Variants in TDRD6 observed in about 807,000 individuals in gnomAD.
The protein encoded by TDRD6 is tudor domain containing 6, also known as tudor domain-containing protein 6.
A neutral mutation model predicts 157.5 loss-of-function variants in TDRD6; 186 were observed. That is an observed-to-expected ratio of 1.18 (90% confidence interval 1.05 to 1.33). The LOEUF (loss-of-function observed/expected upper bound fraction) is 1.33, where lower values mean the gene tolerates loss of function less well. TDRD6 is among the 40% of genes most tolerant of loss of function. The pLI is 0.00. For missense variants in TDRD6, 3,066 were observed against 2,508.0 expected, an observed-to-expected ratio of 1.22 and a Z score of -4.75; for synonymous variants, 1,075 against 945.2, an observed-to-expected ratio of 1.14 and a Z score of -2.52.
intron 3 of TDRD6, among the ~76,000 whole-genome samples, chr6:46,700,243 A>G (rs1186857936): frequency 6.6e-6 from 1 of 152,204 alleles, no homozygotes; most frequent in Admixed American, 6.5e-5. Flanking sequence ...AAGTAAATAG[A>G]TAACTACCTC....
In TDRD6 at chr6:46,691,525, C is replaced by T. The variant is rs557562919; in HGVS notation, c.3397C>T (p.Pro1133Ser). 2.7e-5 allele frequency: 44 copies of T among 1,613,770 alleles called. No homozygotes were observed. In the South Asian group the frequency reaches 4.6e-4, roughly 17 times the overall value. ...GAAGGCTTTAGTTGTAGCAAAAGAT[C>T]CAGATGGAACACTGATTATAGAACT... ...SLKALVVAKD[P>S]DGTLIIELYG... Residue 1133 changes from proline (P) to serine (S), a missense_variant, in exon 1 of 4, where the codon CCA becomes TCA. Physicochemically the swap from Pro to Ser is moderately conservative, Grantham distance 74. Coordinates refer to ENST00000316081, the MANE Select transcript of TDRD6 (RefSeq NM_001010870.3).
In TDRD6 at chr6:46,689,028, T is replaced by A. The variant is rs780053210; in HGVS notation, c.900T>A (p.Ser300Arg). ...GGACAGGGGATGAGAACTCTACCAG[T>A]GCCACCTGGGAGGAGAGGGAGGAGA... The part of the protein sequence containing the change: ...STGTGDENST[S>R]ATWEEREESP... Residue 300 changes from serine to arginine, a missense_variant, in exon 1 of 4, where the codon AGT (serine) becomes AGA (arginine). Ser to Arg is a moderately radical substitution (Grantham distance 110). Coordinates refer to ENST00000316081, the MANE Select transcript of TDRD6 (RefSeq NM_001010870.3). 1.2e-6 allele frequency: 2 copies of A among 1,613,846 alleles called. No homozygotes were observed. Among genetic ancestry groups the A allele is most frequent in the Non-Finnish European group, 1.7e-6 (2 of 1,179,826 alleles).
In TDRD6 at chr6:46,689,388, T is replaced by C. The variant is rs199793356; in HGVS notation, c.1260T>C (p.Tyr420=). 2.1e-5 allele frequency: 34 copies of C among 1,613,926 alleles called. No individual in the cohort carries two copies. In the East Asian group the frequency reaches 6.2e-4, roughly 30 times the overall value. The part of the protein sequence containing the change: ...EFYCSFEHVY[Y]VSLYGEDGIN... ...ATTGCTCCTTTGAGCATGTGTATTA[T>C]GTCAGCCTGTATGGAGAAGATGGGA... is the stretch of plus-strand genomic sequence containing the variant. Residue 420 remains tyrosine, a synonymous_variant, in exon 1 of 4, where the codon TAT becomes TAC. Coordinates refer to ENST00000316081, the MANE Select transcript of TDRD6 (RefSeq NM_001010870.3).
chr6:46,689,219 C>G lies in TDRD6; in HGVS notation c.1091C>G (p.Pro364Arg). 3.1e-6 allele frequency: 5 copies of G among 1,614,104 alleles called. No individual in the cohort carries two copies. The highest frequency in any genetic ancestry group is 3.4e-6 in the Non-Finnish European group (4 of 1,180,022). The part of the protein sequence containing the change: ...VSCSSLRYLL[P>R]EYFRMPVVTY... Reference sequence around the variant, plus strand: ...TGCAGCAGCCTTCGGTACTTGCTGCCTGAATATTTTCGAATGCCGGTGGTG... The same window carrying G: ...TGCAGCAGCCTTCGGTACTTGCTGCGTGAATATTTTCGAATGCCGGTGGTG... Residue 364 changes from proline (P) to arginine (R), a missense_variant, in exon 1 of 4, where the codon CCT (proline) becomes CGT (arginine). Coordinates refer to ENST00000316081, the MANE Select transcript of TDRD6 (RefSeq NM_001010870.3).
intron 3 of TDRD6, among the ~76,000 whole-genome samples, chr6:46,699,678 A>C (rs1487344394): frequency 1.3e-5 from 2 of 152,104 alleles, no homozygotes; most frequent in African/African-American, 4.8e-5. Context: ...AAAAAAAGAA[A>C]AGAAAAGGCC....
chr6:46,688,197 G>T lies in TDRD6; in HGVS notation c.69G>T (p.Val23=), dbSNP rs1181227308. 2 of 1,546,920 alleles carry T rather than the reference G, an allele frequency of 1.3e-6. No individual in the cohort carries two copies. The highest frequency in any genetic ancestry group is 2.4e-5 in the East Asian group (1 of 41,944). The change falls in exon 1 of 4, where the codon GTG becomes GTT. Residue 23 remains valine (V), a synonymous_variant. Transcript: ENST00000316081. ...SLALRVSFVD[V]HPDVIPVQLW... ...CCCTGCGGGTGTCCTTCGTGGACGT[G>T]CATCCCGATGTGATCCCGGTGCAGC...
At chr6:46,698,225 A>G in intron 3 of TDRD6, 138 bp downstream of exon 3, 1 of 540,584 alleles carries the variant, frequency 1.8e-6, no homozygotes, top group East Asian at 2.8e-5. Flanking sequence ...AACAGCAATA[A>G]CAAAATCAGT....
Position 46,702,084 on chromosome 6 carries a change from T to C in TDRD6, c.*197T>C, listed in dbSNP as rs147188374. 7.6e-3 allele frequency: 3,596 copies of C among 474,590 alleles called. 100 individuals are homozygous for C. In the Admixed American group the frequency reaches 0.077, roughly 10 times the overall value. The allele number at this position is 474,590 out of a possible 1,614,324, so 29.4% of individuals were successfully genotyped here. On this transcript the variant is annotated 3_prime_UTR_variant, in exon 4 of 4. Coordinates refer to ENST00000316081, the MANE Select transcript of TDRD6 (RefSeq NM_001010870.3). ...GGGTGTGTTTATAGTGATCCTGTTATATATACAGATCTGGGATCTTTCGTC... is the reference window on the plus strand; with the variant it reads ...GGGTGTGTTTATAGTGATCCTGTTACATATACAGATCTGGGATCTTTCGTC...
chr6:46,689,076 G>T lies in TDRD6; in HGVS notation c.948G>T (p.Pro316=). 6.2e-7 allele frequency: 1 copy of T among 1,614,164 alleles called. No individual in the cohort carries two copies. The highest frequency in any genetic ancestry group is 1.1e-5 in the South Asian group (1 of 91,076). Residue 316 remains proline, a synonymous_variant, in exon 1 of 4, where the codon CCG becomes CCT. Coordinates refer to ENST00000316081, the MANE Select transcript of TDRD6 (RefSeq NM_001010870.3). ...REESPDKPGS[P]CASCGLDGHW... is the part of the protein sequence containing the mutation. ...AGAGCCCAGATAAGCCGGGCTCTCC[G>T]TGTGCATCCTGTGGCCTGGATGGAC...
At position 46,693,765 on chromosome 6, in the gene TDRD6, C is replaced by T. The variant is rs1047136110; in HGVS notation, c.5637C>T (p.Ser1879=). ...LSPVPPNVPL[S]QECVTKGAME... The stretch of plus-strand genomic sequence containing the variant: ...CGGTGCCACCGAATGTGCCACTCTC[C>T]CAAGAGTGTGTCACAAAAGGCGCCA... The change falls in exon 1 of 4, where the codon TCC becomes TCT. Residue 1879 remains serine (S), a synonymous_variant. Transcript: ENST00000316081. 6.2e-7 allele frequency: 1 copy of T among 1,614,138 alleles called. No homozygotes were observed. Among genetic ancestry groups the T allele is most frequent in the East Asian group, 2.2e-5 (1 of 44,878 alleles).
rs1195745188 is a variant in TDRD6, at chr6:46,691,267, G to A, written c.3139G>A (p.Gly1047Arg). The change falls in exon 1 of 4, where the codon GGA becomes AGA. Residue 1047 changes from glycine (G) to arginine (R), a missense_variant. Gly to Arg is a moderately radical substitution (Grantham distance 125). Transcript: ENST00000316081. ...GTLCLAKYTD[G>R]NWYRGIVIEK... ...CTTGTGCCTTGCCAAGTATACTGAT[G>A]GAAACTGGTATAGGGGCATAGTAAT... The A allele has an allele frequency of 1.2e-6, 2 of 1,614,060 alleles. No individual in the cohort carries two copies. Among genetic ancestry groups the A allele is most frequent in the South Asian group, 1.1e-5 (1 of 91,084 alleles).
At position 46,690,370 on chromosome 6, in the gene TDRD6, T is replaced by C. The variant is rs1764271043; in HGVS notation, c.2242T>C (p.Tyr748His). ...VQEKVKRASV[Y>H]FPLMQNCLEI... Reference sequence around the variant, plus strand: ...GGAAAAAGTGAAAAGAGCATCTGTTTATTTTCCTCTTATGCAGAATTGCTT... The same window carrying C: ...GGAAAAAGTGAAAAGAGCATCTGTTCATTTTCCTCTTATGCAGAATTGCTT... Residue 748 changes from tyrosine (Y) to histidine (H), a missense_variant, in exon 1 of 4, where the codon TAT (tyrosine) becomes CAT (histidine). By Grantham distance (83) the Tyr-to-His change is moderately conservative (BLOSUM62 2). Transcript: ENST00000316081. 5.6e-6 allele frequency: 9 copies of C among 1,613,676 alleles called. No individual in the cohort carries two copies. The highest frequency in any genetic ancestry group is 7.6e-6 in the Non-Finnish European group (9 of 1,180,036).
chr6:46,692,756 A>G lies in TDRD6; in HGVS notation c.4628A>G (p.Lys1543Arg). The change falls in exon 1 of 4, where the codon AAA becomes AGA. Residue 1543 changes from lysine (K) to arginine (R), a missense_variant. Physicochemically the swap from Lys to Arg is conservative, Grantham distance 26. Transcript: ENST00000316081. The stretch of plus-strand genomic sequence containing the variant: ...TGGTGTCAGTTTGCTGATACGGAGA[A>G]ACTTCAGTGTTTAGAAGTAGAAGTA... ...YFWCQFADTE[K>R]LQCLEVEVQT... 6.2e-7 allele frequency: 1 copy of G among 1,614,204 alleles called. No individual in the cohort carries two copies. Among genetic ancestry groups the G allele is most frequent in the Non-Finnish European group, 8.5e-7 (1 of 1,180,034 alleles).
At chr6:46,685,924 C>T (rs959491041), upstream of TDRD6, among the ~76,000 whole-genome samples, 12 of 152,070 alleles carry the variant, frequency 7.9e-5, no homozygotes, top group African/African-American at 2.7e-4. Flanking sequence ...GTGCAATGAC[C>T]TGATTTTTAA....
chr6:46,693,348 A>C lies in TDRD6; in HGVS notation c.5220A>C (p.Lys1740Asn). The change falls in exon 1 of 4, where the codon AAA (lysine) becomes AAC (asparagine). Residue 1740 changes from lysine (K) to asparagine (N), a missense_variant. By Grantham distance (94) the Lys-to-Asn change is moderately conservative. Transcript: ENST00000316081. The stretch of plus-strand genomic sequence containing the variant: ...TAAGTAATAAAGCTGTACAAAATAA[A>C]ATATATATGGAACAACAGACAGATG... ...KKLSNKAVQN[K>N]IYMEQQTDEL... is the part of the protein sequence containing the mutation. The C allele has an allele frequency of 6.2e-7, 1 of 1,604,872 alleles. No individual in the cohort carries two copies. Among genetic ancestry groups the C allele is most frequent in the Non-Finnish European group, 8.5e-7 (1 of 1,177,662 alleles).
At position 46,690,436 on chromosome 6, in the gene TDRD6, G is replaced by A; in HGVS notation, c.2308G>A (p.Val770Ile). 1.2e-6 allele frequency: 2 copies of A among 1,614,102 alleles called. No homozygotes were observed. Among genetic ancestry groups the A allele is most frequent in the South Asian group, 2.2e-5 (2 of 91,078 alleles). The change falls in exon 1 of 4, where the codon GTT becomes ATT. Residue 770 changes from valine (V) to isoleucine (I), a missense_variant. Val to Ile is a conservative substitution (Grantham distance 29). Coordinates refer to ENST00000316081, the MANE Select transcript of TDRD6 (RefSeq NM_001010870.3). ...PGSSSKGELE[V>I]GSTVEVRVSY... Reference sequence around the variant, plus strand: ...CTCCTCTAGTAAAGGAGAGCTGGAAGTTGGAAGTACAGTAGAAGTCAGAGT... The same window carrying A: ...CTCCTCTAGTAAAGGAGAGCTGGAAATTGGAAGTACAGTAGAAGTCAGAGT...
chr6:46,684,600 T>G (rs867009291), upstream of TDRD6, among the ~76,000 whole-genome samples: 1 of 152,208 alleles, frequency 6.6e-6, no homozygotes, highest in African/African-American at 2.4e-5. Context: ...GTAAATAGAA[T>G]GCAGTATGTA....
At position 46,690,601 on chromosome 6, in the gene TDRD6, G is replaced by T. The variant is rs748890809; in HGVS notation, c.2473G>T (p.Ala825Ser). 1.2e-6 allele frequency: 2 copies of T among 1,614,040 alleles called. No homozygotes were observed. Among genetic ancestry groups the T allele is most frequent in the Non-Finnish European group, 1.7e-6 (2 of 1,180,024 alleles). ...CCAGAGAAACACCCTTGCTTGTTTG[G>T]CTAAGCGAACAGTAAACAGACAGTG... Reference protein sequence around the residue: ...PHQRNTLACLAKRTVNRQWSR... With the variant: ...PHQRNTLACLSKRTVNRQWSR... Residue 825 changes from alanine to serine, a missense_variant, in exon 1 of 4, where the codon GCT becomes TCT. Ala to Ser is a moderately conservative substitution (Grantham distance 99). Coordinates refer to ENST00000316081, the MANE Select transcript of TDRD6 (RefSeq NM_001010870.3).
chr6:46,691,372 C>A lies in TDRD6; in HGVS notation c.3244C>A (p.Pro1082Thr). 1 of 1,613,934 alleles carries A rather than the reference C, an allele frequency of 6.2e-7. No homozygotes were observed. Among genetic ancestry groups the A allele is most frequent in the Non-Finnish European group, 8.5e-7 (1 of 1,179,920 alleles). The change falls in exon 1 of 4, where the codon CCT becomes ACT. Residue 1082 changes from proline to threonine, a missense_variant. Pro to Thr is a conservative substitution (Grantham distance 38). Coordinates refer to ENST00000316081, the MANE Select transcript of TDRD6 (RefSeq NM_001010870.3). Reference sequence around the variant, plus strand: ...AACAAGTGATGATCTGCTTCCAATACCTAGTGATGCATATGATGTCTTACT... The same window carrying A: ...AACAAGTGATGATCTGCTTCCAATAACTAGTGATGCATATGATGTCTTACT... ...VVTSDDLLPI[P>T]SDAYDVLLLP...
Sources: gnomAD v4.1 joint callset for allele counts (sites outside exome capture counted in the v4.1 genomes callset) on GRCh38, gnomAD v4.1.1 for gene constraint, MANE v1.5 for transcripts, NCBI Gene and HGNC (gene_info 2026-07-23, HGNC 2026-07-21) for gene names.